SAE1: variants seen among roughly 807,000 people sequenced by gnomAD.
The protein encoded by SAE1 is SUMO-activating enzyme subunit 1.
In SAE1, 11 loss-of-function variants were observed where a neutral mutation model predicts 40.6. The observed-to-expected ratio is 0.27, with a 90% confidence interval of 0.17 to 0.45. SAE1 has a LOEUF of 0.45. Ranked by LOEUF, SAE1 falls within the 20% of genes least tolerant of loss-of-function variation. The pLI is 1.00. For synonymous variants in SAE1, 155 were observed against 154.3 expected (o/e 1.00, Z -0.03); for missense variants, 373 against 427.3 (o/e 0.87, Z 1.12).
intron 6 of SAE1, among the ~76,000 whole-genome samples, chr19:47,195,157 C>T (rs1038786950): frequency 3.3e-5 from 5 of 149,876 alleles, no homozygotes; most frequent in African/African-American, 9.8e-5. Context: ...CGGGTTCAAG[C>T]GATTCTCCTG....
intron 1 of SAE1, among the ~76,000 whole-genome samples, chr19:47,137,681 G>A (rs958416590): frequency 6.6e-6 from 1 of 150,430 alleles, no homozygotes; most frequent in African/African-American, 2.5e-5. Flanking sequence ...TGTGCATGGC[G>A]TATGCCGTAA....
Position 47,155,201 on chromosome 19 carries a change from G to C in SAE1, c.615G>C (p.Thr205=). The C allele has an allele frequency of 6.2e-7, 1 of 1,612,986 alleles. No individual in the cohort carries two copies. Among genetic ancestry groups the C allele is most frequent in the Non-Finnish European group, 8.5e-7 (1 of 1,179,050 alleles). The part of the protein sequence containing the change: ...KRAKLDSSET[T]MVKKKVVFCP... ...CAAAACTTGATTCTTCTGAGACAAC[G>C]ATGGTCAAAAAGGTATGTGTAACGT... Residue 205 remains threonine (T), a synonymous_variant, in exon 5 of 9, where the codon ACG becomes ACC. Transcript: ENST00000270225.
intron 4 of SAE1, among the ~76,000 whole-genome samples, chr19:47,153,554 C>T (rs2058301088): frequency 6.6e-6 from 1 of 152,108 alleles, no homozygotes; most frequent in South Asian, 2.1e-4. Flanking sequence ...CCTCCAAAAC[C>T]CTCCAACTTG....
At chr19:47,151,140 T>G (rs891434461) in intron 3 of SAE1, among the ~76,000 whole-genome samples, 1 of 148,476 alleles carries the variant, frequency 6.7e-6, no homozygotes, top group Non-Finnish European at 1.5e-5. Flanking sequence ...GTTGGGTAGT[T>G]TTTTTTTTTT....
intron 6 of SAE1, among the ~76,000 whole-genome samples, chr19:47,193,151 G>A (rs1012043935): frequency 1.3e-5 from 2 of 148,262 alleles, no homozygotes; most frequent in Admixed American, 6.9e-5. Context: ...TCCACCTCCC[G>A]GGTTCAAGAG....
intron 6 of SAE1, among the ~76,000 whole-genome samples, chr19:47,173,844 GTGCAATCTCAGCTCAC>G (rs2058450637): frequency 1.3e-5 from 2 of 150,966 alleles, no homozygotes; most frequent in Non-Finnish European, 3.0e-5. Flanking sequence ...GAGTGCAGTG[GTGCAATCTCAGCTCAC>G]TGCAAGCTCA....
intron 6 of SAE1, among the ~76,000 whole-genome samples, chr19:47,187,085 T>C (rs1243357415): frequency 6.6e-6 from 1 of 152,188 alleles, no homozygotes; most frequent in African/African-American, 2.4e-5. Flanking sequence ...CACATACTTT[T>C]AAGTTTCTGG....
chr19:47,204,902 C>G (rs538694599), intron 8 of SAE1, among the ~76,000 whole-genome samples: 1 of 152,084 alleles, frequency 6.6e-6, no homozygotes, highest in Non-Finnish European at 1.5e-5. Flanking sequence ...CAGGATGACC[C>G]GTGACCCTGT....
chr19:47,177,476 G>A (rs576809940), intron 6 of SAE1, among the ~76,000 whole-genome samples: 2 of 151,880 alleles, frequency 1.3e-5, no homozygotes, highest in South Asian at 2.1e-4. Context: ...CTCTCACCTC[G>A]ACCTGCAAAG....
At chr19:47,205,302 A>G (rs976192722) in intron 8 of SAE1, among the ~76,000 whole-genome samples, 9 of 142,892 alleles carry the variant, frequency 6.3e-5, no homozygotes, top group Admixed American at 2.1e-4. Context: ...TGTTAGTCAC[A>G]CCGTTTTCCT....
intron 6 of SAE1, chr19:47,180,291 A>G (rs776774381): frequency 4.4e-6 from 2 of 456,224 alleles, no homozygotes; most frequent in South Asian, 3.1e-5. Flanking sequence ...GATCTGGGGT[A>G]GGAAAATTAC....
At position 47,210,236 on chromosome 19, in the gene SAE1, G is replaced by A. The variant is rs1325652333; in HGVS notation, c.*985G>A. On this transcript the variant is annotated 3_prime_UTR_variant, in exon 9 of 9. Transcript: ENST00000270225. ...CTTCAGAAGCTTCTGAGAGGGAATG[G>A]GATGATCCTACCAGTTGCCTTTTCA... The A allele has an allele frequency of 6.6e-6, 1 of 152,088 alleles. No individual in the cohort carries two copies. Among genetic ancestry groups the A allele is most frequent in the African/African-American group, 2.4e-5 (1 of 41,406 alleles). The allele number at this position is 152,088 out of a possible 1,614,324, so 9.4% of individuals were successfully genotyped here.
At chr19:47,191,291 G>A (rs2058576179) in intron 6 of SAE1, among the ~76,000 whole-genome samples, 1 of 152,010 alleles carries the variant, frequency 6.6e-6, no homozygotes, top group Admixed American at 6.6e-5. Context: ...GGCGTCTCCA[G>A]CCTGGGTGAC....
At chr19:47,178,038 C>T (rs1009855741) in intron 6 of SAE1, among the ~76,000 whole-genome samples, 12 of 151,944 alleles carry the variant, frequency 7.9e-5, no homozygotes, top group African/African-American at 2.9e-4. Flanking sequence ...GTCAAGAGAT[C>T]GAGACCATCC....
intron 2 of SAE1, among the ~76,000 whole-genome samples, chr19:47,148,009 C>T (rs1049678166): frequency 1.3e-5 from 2 of 151,988 alleles, no homozygotes; most frequent in African/African-American, 4.8e-5. Flanking sequence ...ATCTGCCTGC[C>T]TTGGCCTCCC....
intron 1 of SAE1, among the ~76,000 whole-genome samples, chr19:47,136,657 G>A (rs912713380): frequency 3.9e-5 from 6 of 151,990 alleles, no homozygotes; most frequent in African/African-American, 1.2e-4. Context: ...CACCATGCCC[G>A]GCTAATTTTG....
chr19:47,183,269 A>T (rs937141055), intron 6 of SAE1, among the ~76,000 whole-genome samples: 5 of 151,862 alleles, frequency 3.3e-5, no homozygotes, highest in Admixed American at 2.6e-4. Context: ...TGACAGCCTT[A>T]CTAGATCAGG....
intron 3 of SAE1, 62 bp downstream of exon 3, chr19:47,150,437 T>C: frequency 1.5e-6 from 2 of 1,329,654 alleles, no homozygotes; most frequent in Non-Finnish European, 2.1e-6. Context: ...TAGTTGTATA[T>C]ACTTTCAAAT....
Position 47,153,054 on chromosome 19 carries a change from G to C in SAE1, c.527+14G>C. ...TGAGTTTGTAGAGTAAGTGTTGGGA[G>C]AGGAGGGGAGAACATAACATTTTCT... On this transcript the variant is annotated intron_variant, in intron 4 of 8. Coordinates refer to ENST00000270225, the MANE Select transcript of SAE1 (RefSeq NM_005500.3). 6.3e-7 allele frequency: 1 copy of C among 1,591,048 alleles called. No individual in the cohort carries two copies. The highest frequency in any genetic ancestry group is 1.2e-5 in the South Asian group (1 of 86,502).
Sources: allele counts gnomAD v4.1 joint callset (sites outside exome capture counted in the v4.1 genomes callset), GRCh38; gene constraint gnomAD v4.1.1; transcripts MANE v1.5; gene names NCBI Gene and HGNC (gene_info 2026-07-23, HGNC 2026-07-21).